ABHD17C: variants seen among roughly 807,000 people sequenced by gnomAD.
ABHD17C encodes abhydrolase domain containing 17C, depalmitoylase.
A neutral mutation model predicts 27.9 loss-of-function variants in ABHD17C; 11 were observed. The observed-to-expected ratio is 0.39, with a 90% CI of 0.25 to 0.65. The LOEUF (loss-of-function observed/expected upper bound fraction) is 0.65, where lower values mean the gene tolerates loss of function less well. Among genes scored for constraint, ABHD17C ranks in the 30% least tolerant of loss-of-function variants. The probability of loss-of-function intolerance (pLI) is 0.45; values close to 1 mark genes in which losing one functional copy is unlikely to be tolerated. For synonymous variants in ABHD17C, 233 were observed against 209.1 expected, an observed-to-expected ratio of 1.11 and a Z score of -0.98; for missense variants, 280 against 470.2, an observed-to-expected ratio of 0.60 and a Z score of 3.74.
intron 1 of ABHD17C, among the ~76,000 whole-genome samples, chr15:80,743,596 T>G (rs780013253): frequency 6.6e-6 from 1 of 152,190 alleles, no homozygotes; most frequent in Admixed American, 6.5e-5. Flanking sequence ...GTTTTGTTTT[T>G]TTGGAGACAA....
At chr15:80,746,517 C>T (rs78302526) in intron 1 of ABHD17C, among the ~76,000 whole-genome samples, 12 of 151,896 alleles carry the variant, frequency 7.9e-5, no homozygotes, top group East Asian at 1.9e-4. Context: ...TTGGTTGTCA[C>T]GAAGGATGTG....
At position 80,743,434 on chromosome 15, in the gene ABHD17C, G is replaced by A. The variant is rs191900601; in HGVS notation, c.591-6079G>A. Among the ~76,000 whole-genome samples the A allele has an allele frequency of 6.6e-5, 10 of 152,212 alleles. No individual in the cohort carries two copies. In the East Asian group the frequency reaches 1.2e-3, roughly 18 times the overall value. On this transcript the variant is annotated intron_variant, in intron 1 of 2. Coordinates refer to ENST00000258884, the MANE Select transcript of ABHD17C (RefSeq NM_021214.2). ...AAGCGCTGTGTGTAGGCCCTGCTGC[G>A]GTTCCTGTCCTCCCTGCGTCTTTCC...
chr15:80,752,732 T>C (rs921958730), intron 2 of ABHD17C, among the ~76,000 whole-genome samples: 6 of 152,226 alleles, frequency 3.9e-5, no homozygotes, highest in Admixed American at 2.0e-4. Context: ...AGAGGCTCTT[T>C]GGCAGGACAG....
At chr15:80,736,273 G>GT (rs912481154) in intron 1 of ABHD17C, among the ~76,000 whole-genome samples, 27 of 151,730 alleles carry the variant, frequency 1.8e-4, no homozygotes, top group Admixed American at 4.6e-4. Flanking sequence ...ACGTGTTTTT[G>GT]TTTTTTTTGA....
intron 1 of ABHD17C, among the ~76,000 whole-genome samples, chr15:80,727,739 G>A (rs941888971): frequency 2.6e-5 from 4 of 152,104 alleles, no homozygotes; most frequent in African/African-American, 9.6e-5. Context: ...GCTGTTCTTT[G>A]GCCTGATTGC....
At chr15:80,709,291 C>G (rs543185152) in intron 1 of ABHD17C, among the ~76,000 whole-genome samples, 42 of 152,008 alleles carry the variant, frequency 2.8e-4, no homozygotes, top group Middle Eastern at 3.4e-3. Flanking sequence ...GAGTTTGAGA[C>G]CAACCTGGCC....
At chr15:80,728,319 A>G (rs2627325) in intron 1 of ABHD17C, among the ~76,000 whole-genome samples, 99,146 of 152,098 alleles carry the variant, frequency 0.65, 35,460 homozygotes, top group East Asian at 0.86. Context: ...CGTCTTCCTG[A>G]TGTACAGGGG....
chr15:80,707,251 G>C (rs1001213867), intron 1 of ABHD17C, among the ~76,000 whole-genome samples: 14 of 152,204 alleles, frequency 9.2e-5, no homozygotes, highest in African/African-American at 3.1e-4. Context: ...TAGAGGGATG[G>C]AAATGATTTT....
chr15:80,738,890 A>G (rs1244634667), intron 1 of ABHD17C, among the ~76,000 whole-genome samples: 1 of 152,230 alleles, frequency 6.6e-6, no homozygotes, highest in African/African-American at 2.4e-5. Context: ...TATTTATCAT[A>G]TAACTACTAT....
At chr15:80,696,712 G>A (rs963987907) in intron 1 of ABHD17C, among the ~76,000 whole-genome samples, 3 of 152,196 alleles carry the variant, frequency 2.0e-5, no homozygotes, top group African/African-American at 7.2e-5. Flanking sequence ...CCTTAAATTA[G>A]CATTCACAGA....
At chr15:80,714,009 A>G (rs1894769263) in intron 1 of ABHD17C, among the ~76,000 whole-genome samples, 1 of 151,954 alleles carries the variant, frequency 6.6e-6, no homozygotes, top group Non-Finnish European at 1.5e-5. Context: ...GCTGGAGTGC[A>G]GTGGCGCAAT....
intron 1 of ABHD17C, among the ~76,000 whole-genome samples, chr15:80,706,580 A>G (rs1221588692): frequency 6.6e-6 from 1 of 152,224 alleles, no homozygotes; most frequent in Non-Finnish European, 1.5e-5. Flanking sequence ...TGTTCAGAAT[A>G]TATCCACAAA....
At chr15:80,708,949 G>A (rs1336896799) in intron 1 of ABHD17C, among the ~76,000 whole-genome samples, 1 of 152,022 alleles carries the variant, frequency 6.6e-6, no homozygotes, top group Non-Finnish European at 1.5e-5. Flanking sequence ...AGGAACCTGG[G>A]GACATGAAGT....
intron 1 of ABHD17C, among the ~76,000 whole-genome samples, chr15:80,698,483 C>G (rs907835893): frequency 1.3e-5 from 2 of 152,200 alleles, no homozygotes; most frequent in Non-Finnish European, 2.9e-5. Context: ...GATAGACTGG[C>G]GGCAAATCAG....
intron 1 of ABHD17C, among the ~76,000 whole-genome samples, chr15:80,720,386 A>G (rs185843083): frequency 1.2e-4 from 18 of 151,882 alleles, no homozygotes; most frequent in African/African-American, 4.3e-4. Context: ...AAGGAATGGA[A>G]ATGTAGGAGG....
intron 1 of ABHD17C, among the ~76,000 whole-genome samples, chr15:80,745,906 A>G (rs1445489392): frequency 6.6e-6 from 1 of 152,206 alleles, no homozygotes; most frequent in Admixed American, 6.5e-5. Context: ...CACTCAGTCT[A>G]GTAGATATTT....
intron 1 of ABHD17C, among the ~76,000 whole-genome samples, chr15:80,701,654 G>A (rs1190699035): frequency 1.3e-5 from 2 of 150,728 alleles, no homozygotes; most frequent in African/African-American, 2.4e-5. Context: ...ACTCCAGCCT[G>A]GGCGACAGAG....
Position 80,711,435 on chromosome 15 carries a change from T to C in ABHD17C, c.590+15416T>C, listed in dbSNP as rs572889016. ...CAGCAGGACAGCTCCATGCTTGCTG[T>C]AGCAGCCCCAGGCAGCCCGCAGGTG... On this transcript the variant is annotated intron_variant, in intron 1 of 2. Coordinates refer to ENST00000258884, the MANE Select transcript of ABHD17C (RefSeq NM_021214.2). Among the ~76,000 whole-genome samples the C allele has an allele frequency of 2.0e-5, 3 of 152,328 alleles. No individual in the cohort carries two copies. In the East Asian group the frequency reaches 5.8e-4, roughly 29 times the overall value.
At chr15:80,704,485 C>T (rs908548960) in intron 1 of ABHD17C, 15 of 150,030 alleles carry the variant, frequency 1.0e-4, no homozygotes, top group African/African-American at 3.4e-4. Context: ...GCGTGTGTAA[C>T]ATATGTAACT....
Sources: gnomAD v4.1 joint callset for allele counts (sites outside exome capture counted in the v4.1 genomes callset) on GRCh38, gnomAD v4.1.1 for gene constraint, MANE v1.5 for transcripts, NCBI Gene and HGNC (gene_info 2026-07-23, HGNC 2026-07-21) for gene names.